Variants in TIPARP observed in about 807,000 individuals in gnomAD.
The protein encoded by TIPARP is TCDD inducible poly(ADP-ribose) polymerase.
In TIPARP, 12 loss-of-function variants were observed where a neutral mutation model predicts 56.5. The observed-to-expected ratio is 0.21, with a 90% CI of 0.14 to 0.34. The LOEUF (loss-of-function observed/expected upper bound fraction) is 0.34. TIPARP is among the 10% of genes least tolerant of loss of function. TIPARP has a pLI of 1.00. For missense variants in TIPARP, 604 were observed against 781.6 expected (o/e 0.77, Z 2.71); for synonymous variants, 296 against 265.7 (o/e 1.11, Z -1.11).
At chr3:156,679,836 A>T (rs1722245616) in intron 2 of TIPARP, among the ~76,000 whole-genome samples, 3 of 152,204 alleles carry the variant, frequency 2.0e-5, no homozygotes. Flanking sequence ...ACCATTTCCA[A>T]GTTGTCTGAT....
chr3:156,690,370 C>G (rs924056996), intron 2 of TIPARP, among the ~76,000 whole-genome samples: 1 of 152,072 alleles, frequency 6.6e-6, no homozygotes, highest in Non-Finnish European at 1.5e-5. Context: ...GGCATACTTT[C>G]TGACTTAATG....
At chr3:156,690,502 G>T (rs1283703050) in intron 2 of TIPARP, among the ~76,000 whole-genome samples, 1 of 152,102 alleles carries the variant, frequency 6.6e-6, no homozygotes, top group African/African-American at 2.4e-5. Flanking sequence ...TTATGAGAAT[G>T]GGCGTCCTTT....
At position 156,695,910 on chromosome 3, in the gene TIPARP, G is replaced by A. The variant is rs1722704288; in HGVS notation, c.1132G>A (p.Glu378Lys). 2 of 1,583,428 alleles carry A rather than the reference G, an allele frequency of 1.3e-6. No individual in the cohort carries two copies. Among genetic ancestry groups the A allele is most frequent in the Non-Finnish European group, 1.7e-6 (2 of 1,167,334 alleles). ...AGAAGCCAACTCTCGGGGTCTGAAA[G>A]AGGTTCGATTTATGATGTGGAATAA... ...IEEANSRGLKEVRFMMWNNHY... is the reference protein window; with the variant it reads ...IEEANSRGLKKVRFMMWNNHY... Residue 378 changes from glutamate (E) to lysine (K), a missense_variant, in exon 4 of 6, where the codon GAG (glutamate) becomes AAG (lysine). Around this residue, in one of 4 missense-constraint regions of TIPARP, gnomAD observed 252 missense variants for 303.9 expected, o/e 0.83. Transcript: ENST00000295924.
At chr3:156,690,204 G>A (rs1722529813) in intron 2 of TIPARP, among the ~76,000 whole-genome samples, 2 of 152,164 alleles carry the variant, frequency 1.3e-5, no homozygotes, top group Middle Eastern at 3.4e-3. Flanking sequence ...GAAAGAAGTC[G>A]TGTTCTTACT....
chr3:156,678,463 G>T lies in TIPARP; in HGVS notation c.766G>T (p.Asp256Tyr), dbSNP rs779765422. Residue 256 changes from aspartate (D) to tyrosine (Y), a missense_variant, in exon 2 of 6, where the codon GAT (aspartate) becomes TAT (tyrosine). By Grantham distance (160) the Asp-to-Tyr change is radical (BLOSUM62 -3). Coordinates refer to ENST00000295924, the MANE Select transcript of TIPARP (RefSeq NM_015508.5). ...GCAAGGCACTTGTATTTATGGCAGG[G>T]ATTGTTTGAAGCACCACACTGTCTT... ...FLQGTCIYGRDCLKHHTVLPY... is the reference protein window; with the variant it reads ...FLQGTCIYGRYCLKHHTVLPY... 8.9e-5 allele frequency: 144 copies of T among 1,614,070 alleles called. No individual in the cohort carries two copies. The highest frequency in any genetic ancestry group is 1.1e-4 in the Non-Finnish European group (135 of 1,180,032).
chr3:156,690,127 A>T (rs1722527974), intron 2 of TIPARP, among the ~76,000 whole-genome samples: 1 of 152,196 alleles, frequency 6.6e-6, no homozygotes, highest in African/African-American at 2.4e-5. Context: ...AAACAGAGAA[A>T]CTGCCTAAAA....
chr3:156,692,620 A>C (rs1273779681), intron 2 of TIPARP, among the ~76,000 whole-genome samples: 1 of 152,052 alleles, frequency 6.6e-6, no homozygotes, highest in Non-Finnish European at 1.5e-5. Flanking sequence ...CTTTTTTGTA[A>C]GTTCCATACT....
rs539461571 is a variant in TIPARP at position 156,685,697 on chromosome 3, T to C, written c.917+7083T>C. Among the ~76,000 whole-genome samples the C allele has an allele frequency of 2.0e-5, 3 of 152,394 alleles. No homozygotes were observed. The South Asian group carries it at 6.2e-4, about 32-fold the overall frequency. On this transcript the variant is annotated intron_variant, in intron 2 of 5. Coordinates refer to ENST00000295924, the MANE Select transcript of TIPARP (RefSeq NM_015508.5). Reference sequence around the variant, plus strand: ...ATTACATTAGCTTTTCTTTTTGAATTAATTGAAGAATTCTTAAATTGTCCC... The same window carrying C: ...ATTACATTAGCTTTTCTTTTTGAATCAATTGAAGAATTCTTAAATTGTCCC...
At chr3:156,693,800 G>A (rs944606064) in intron 2 of TIPARP, among the ~76,000 whole-genome samples, 20 of 151,986 alleles carry the variant, frequency 1.3e-4, no homozygotes, top group African/African-American at 4.6e-4. Flanking sequence ...TAATTCCATG[G>A]CCTAGAAATT....
Position 156,695,826 on chromosome 3 carries a change from C to CTTTTTTTTTTTT in TIPARP, c.1087-33_1087-22dup, listed in dbSNP as rs10631452. ...TTTTTAACCATGATTATTAACTTTC[C>CTTTTTTTTTTTT]TTTTTTTTTTTTTTTTTGTTCTGTT... On this transcript the variant is annotated intron_variant, in intron 3 of 5. Transcript: ENST00000295924. 620 of 1,031,168 alleles carry CTTTTTTTTTTTT rather than the reference C, an allele frequency of 6.0e-4. 20 individuals are homozygous for CTTTTTTTTTTTT. Among genetic ancestry groups the CTTTTTTTTTTTT allele is most frequent in the South Asian group, 3.2e-3 (106 of 32,824 alleles). 63.9% of individuals were successfully genotyped at this position (1,031,168 alleles called of 1,614,324 possible).
At chr3:156,703,274 TAATTAAATAGATAGCA>T in intron 4 of TIPARP, 134 bp from the exon 5 acceptor site, 1 of 852,002 alleles carries the variant, frequency 1.2e-6, no homozygotes, top group Non-Finnish European at 1.7e-6. Context: ...CCTTTTTTTT[TAATTAAATAGATAGCA>T]TTTTTTACTT....
intron 4 of TIPARP, among the ~76,000 whole-genome samples, chr3:156,696,447 C>G (rs955807739): frequency 5.3e-5 from 8 of 152,132 alleles, no homozygotes; most frequent in Admixed American, 4.6e-4. Context: ...TTTCCTTTTA[C>G]TTGAGGGAAT....
intron 2 of TIPARP, among the ~76,000 whole-genome samples, chr3:156,679,318 A>T (rs1722231578): frequency 6.6e-6 from 1 of 152,194 alleles, no homozygotes; most frequent in Admixed American, 6.5e-5. Context: ...AGATGTGTGT[A>T]TACACATAAC....
chr3:156,675,431 G>C (rs1431268469), intron 1 of TIPARP: 1 of 152,522 alleles, frequency 6.6e-6, no homozygotes, highest in African/African-American at 2.4e-5. Context: ...GAGAGAAGGC[G>C]CCGCGAGTAG....
intron 2 of TIPARP, among the ~76,000 whole-genome samples, chr3:156,692,240 C>T (rs563777223): frequency 6.6e-6 from 1 of 152,234 alleles, no homozygotes; most frequent in South Asian, 2.1e-4. Context: ...TATCTCACTT[C>T]CCAATCATAA....
chr3:156,698,231 G>A (rs1722766269), intron 4 of TIPARP, among the ~76,000 whole-genome samples: 1 of 152,210 alleles, frequency 6.6e-6, no homozygotes, highest in African/African-American at 2.4e-5. Context: ...TCTTATAGAA[G>A]TGCAAGGTGA....
rs748072893 is a variant in TIPARP at position 156,705,098 on chromosome 3, A to G, written c.1941A>G (p.Gln647=). ...DDQSYPYFVI[Q]YEEVSNTVSI ...AGAGTTACCCTTATTTTGTTATCCA[A>G]TATGAAGAAGTCAGTAACACTGTTT... The change falls in exon 6 of 6, where the codon CAA becomes CAG. Residue 647 remains glutamine, a synonymous_variant. Transcript: ENST00000295924. 3.7e-6 allele frequency: 6 copies of G among 1,608,402 alleles called. No homozygotes were observed. Among genetic ancestry groups the G allele is most frequent in the Admixed American group, 3.4e-5 (2 of 59,116 alleles).
Position 156,677,918 on chromosome 3 carries a change from G to A in TIPARP, c.221G>A (p.Arg74Lys). 1 of 1,614,110 alleles carries A rather than the reference G, an allele frequency of 6.2e-7. No individual in the cohort carries two copies. Among genetic ancestry groups the A allele is most frequent in the Non-Finnish European group, 8.5e-7 (1 of 1,180,016 alleles). The stretch of plus-strand genomic sequence containing the variant: ...TCTGGCTCACTTGATGGGGTTTTTA[G>A]ATCTAGGAACCAGAGTACAGATGAG... ...LESGSLDGVF[R>K]SRNQSTDENS... Residue 74 changes from arginine (R) to lysine (K), a missense_variant, in exon 2 of 6, where the codon AGA becomes AAA. Arg to Lys is a conservative substitution (Grantham distance 26). This residue lies in a region of TIPARP where 261 missense variants were observed against 279.2 expected (regional missense o/e 0.93). Coordinates refer to ENST00000295924, the MANE Select transcript of TIPARP (RefSeq NM_015508.5).
At chr3:156,680,679 G>A (rs1037519600) in intron 2 of TIPARP, among the ~76,000 whole-genome samples, 2 of 152,148 alleles carry the variant, frequency 1.3e-5, no homozygotes, top group African/African-American at 4.8e-5. Context: ...AGAAAATCCA[G>A]GAATTCTTAG....
Sources: gnomAD v4.1 joint callset for allele counts (sites outside exome capture counted in the v4.1 genomes callset) on GRCh38, gnomAD v4.1.1 for gene constraint, gnomAD v4.1.1 regional missense constraint, MANE v1.5 for transcripts, NCBI Gene and HGNC (gene_info 2026-07-23, HGNC 2026-07-21) for gene names.